DOCK1: variants seen among roughly 807,000 people sequenced by gnomAD.
DOCK1 encodes the protein dedicator of cytokinesis 1.
Under a neutral mutation model 262.7 loss-of-function variants are expected in DOCK1, and 138 were observed. The ratio of observed to expected loss-of-function variants is 0.53; its 90% CI spans 0.46 to 0.61. DOCK1 has a LOEUF of 0.61. DOCK1 is among the 20% of genes least tolerant of loss of function. The pLI, the probability that DOCK1 is intolerant of heterozygous loss-of-function variation, is 0.00. For missense variants in DOCK1, 1,908 were observed against 2,370.7 expected, an observed-to-expected ratio of 0.80 and a Z score of 4.05; for synonymous variants, 866 against 867.4, an observed-to-expected ratio of 1.00 and a Z score of 0.03.
intron 27 of DOCK1, among the ~76,000 whole-genome samples, chr10:127,191,139 C>T (rs1440688673): frequency 1.3e-5 from 2 of 152,104 alleles, no homozygotes; most frequent in African/African-American, 4.8e-5. Flanking sequence ...GGACTAATGT[C>T]TGCTGGGCTC....
chr10:126,919,951 GGA>G (rs949114023), intron 1 of DOCK1, among the ~76,000 whole-genome samples: 2 of 152,188 alleles, frequency 1.3e-5, no homozygotes, highest in African/African-American at 4.8e-5. Context: ...CTGTTGGTGG[GGA>G]GTTACGTCTT....
intron 10 of DOCK1, among the ~76,000 whole-genome samples, chr10:127,006,143 G>A (rs1390335911): frequency 1.3e-5 from 2 of 152,196 alleles, no homozygotes; most frequent in African/African-American, 4.8e-5. Context: ...CCCTGCAGCG[G>A]AGTTGCTGAC....
chr10:127,142,072 G>C (rs754026983), intron 27 of DOCK1, among the ~76,000 whole-genome samples: 1 of 152,198 alleles, frequency 6.6e-6, no homozygotes, highest in African/African-American at 2.4e-5. Context: ...TAAGGGGAGC[G>C]TGAGAGTTAC....
At chr10:126,987,320 C>T (rs2039475002) in intron 4 of DOCK1, among the ~76,000 whole-genome samples, 1 of 152,132 alleles carries the variant, frequency 6.6e-6, no homozygotes, top group Admixed American at 6.6e-5. Flanking sequence ...AATGTATGAA[C>T]CTTCCCAAGC....
chr10:127,326,613 T>C (rs1371367517), intron 29 of DOCK1, among the ~76,000 whole-genome samples: 1 of 152,222 alleles, frequency 6.6e-6, no homozygotes, highest in African/African-American at 2.4e-5. Flanking sequence ...ACCATGAAGA[T>C]CAGAATCCAC....
intron 1 of DOCK1, among the ~76,000 whole-genome samples, chr10:126,927,770 C>T (rs1216043119): frequency 3.3e-5 from 5 of 152,158 alleles, no homozygotes; most frequent in African/African-American, 9.7e-5. Context: ...ATTCAGTAGA[C>T]GCGTAGTCAG....
chr10:127,281,910 A>G (rs925706005), intron 29 of DOCK1, among the ~76,000 whole-genome samples: 3 of 152,142 alleles, frequency 2.0e-5, no homozygotes, highest in Admixed American at 6.5e-5. Context: ...GTGATGTTGC[A>G]TCAGTACTGG....
At chr10:127,445,702 T>C (rs2070494042) in intron 50 of DOCK1, among the ~76,000 whole-genome samples, 1 of 152,220 alleles carries the variant, frequency 6.6e-6, no homozygotes, top group East Asian at 1.9e-4. Context: ...AAACAGATAC[T>C]TAATATTCAT....
At chr10:126,977,800 C>G in intron 2 of DOCK1, 148 bp from the exon 3 acceptor site, 1 of 771,466 alleles carries the variant, frequency 1.3e-6, no homozygotes. Context: ...CGTAGTATAT[C>G]TCCAAAGCCT....
chr10:127,064,203 G>A (rs1834567080), intron 23 of DOCK1, among the ~76,000 whole-genome samples: 2 of 152,136 alleles, frequency 1.3e-5, no homozygotes, highest in South Asian at 4.1e-4. Context: ...GTACCTTCCC[G>A]GTTCAAGTGA....
intron 16 of DOCK1, among the ~76,000 whole-genome samples, chr10:127,026,923 T>C (rs958164453): frequency 6.6e-6 from 1 of 152,214 alleles, no homozygotes; most frequent in Non-Finnish European, 1.5e-5. Flanking sequence ...ATCACTCTCC[T>C]TCAAAAAGAA....
intron 27 of DOCK1, among the ~76,000 whole-genome samples, chr10:127,242,003 C>T (rs761476295): frequency 6.6e-6 from 1 of 152,162 alleles, no homozygotes; most frequent in Non-Finnish European, 1.5e-5. Context: ...TCTGGGCCTT[C>T]CTTGGGTTTT....
intron 1 of DOCK1, among the ~76,000 whole-genome samples, chr10:126,951,338 G>C (rs1188614329): frequency 6.6e-6 from 1 of 151,572 alleles, no homozygotes; most frequent in South Asian, 2.1e-4. Context: ...GGTGATAGTG[G>C]TGATGGTAGT....
At chr10:126,979,069 C>T (rs551077290) in intron 3 of DOCK1, among the ~76,000 whole-genome samples, 1 of 152,348 alleles carries the variant, frequency 6.6e-6, no homozygotes, top group South Asian at 2.1e-4. Flanking sequence ...GGACCTCTTA[C>T]CTCCACCTTG....
chr10:127,093,591 C>T (rs950512702), intron 23 of DOCK1, among the ~76,000 whole-genome samples: 4 of 151,312 alleles, frequency 2.6e-5, no homozygotes, highest in East Asian at 1.9e-4. Flanking sequence ...TGAGCTCAAG[C>T]GATCCTCCTG....
chr10:126,924,638 C>T (rs772818268), intron 1 of DOCK1, among the ~76,000 whole-genome samples: 1 of 152,184 alleles, frequency 6.6e-6, no homozygotes, highest in South Asian at 2.1e-4. Context: ...CTTCTTCCAC[C>T]GTGTTGCCTC....
chr10:127,418,660 GC>G, intron 45 of DOCK1, 119 bp downstream of exon 45: 3 of 1,282,550 alleles, frequency 2.3e-6, no homozygotes, highest in Non-Finnish European at 3.1e-6. Flanking sequence ...CTCAGCAGTG[GC>G]CCAGCCAAGG....
intron 10 of DOCK1, among the ~76,000 whole-genome samples, chr10:127,006,669 C>T (rs192905516): frequency 2.0e-5 from 3 of 152,334 alleles, no homozygotes; most frequent in East Asian, 1.9e-4. Context: ...GTGCGGGACT[C>T]GGGGTGTTTT....
At chr10:127,122,117 C>A (rs2049624985) in intron 25 of DOCK1, among the ~76,000 whole-genome samples, 3 of 152,202 alleles carry the variant, frequency 2.0e-5, no homozygotes, top group African/African-American at 7.2e-5. Flanking sequence ...TGTGCTGAGG[C>A]CAGCAGATCA....
Sources: allele counts gnomAD v4.1 joint callset (sites outside exome capture counted in the v4.1 genomes callset), GRCh38; gene constraint gnomAD v4.1.1; transcripts MANE v1.5; gene names NCBI Gene and HGNC (gene_info 2026-07-23, HGNC 2026-07-21).